B4GALT5: variants seen among roughly 807,000 people sequenced by gnomAD.
B4GALT5 encodes the protein beta-1,4-galactosyltransferase 5.
B4GALT5 carries 11 observed loss-of-function variants against 45.0 expected under a neutral mutation model. The observed-to-expected ratio is 0.24, with a 90% CI of 0.15 to 0.40. The LOEUF (loss-of-function observed/expected upper bound fraction) is 0.40, where lower values mean the gene tolerates loss of function less well. B4GALT5 is among the 10% of genes least tolerant of loss of function. The pLI, the probability that B4GALT5 is intolerant of heterozygous loss-of-function variation, is 1.00. For synonymous variants in B4GALT5, 185 were observed against 182.9 expected (o/e 1.01, Z -0.09); for missense variants, 337 against 500.2 (o/e 0.67, Z 3.11).
intron 1 of B4GALT5, among the ~76,000 whole-genome samples, chr20:49,702,333 T>C (rs967725156): frequency 6.6e-6 from 1 of 152,114 alleles, no homozygotes; most frequent in African/African-American, 2.4e-5. Context: ...AAGACCTTCA[T>C]GGGCAGAAAA....
intron 1 of B4GALT5, among the ~76,000 whole-genome samples, chr20:49,663,688 A>ATAT (rs1379448405): frequency 2.8e-5 from 3 of 106,952 alleles, no homozygotes; most frequent in African/African-American, 1.1e-4. Context: ...AAAAAAAAAA[A>ATAT]AAATATATAC....
intron 1 of B4GALT5, among the ~76,000 whole-genome samples, chr20:49,676,483 G>A (rs2146346780): frequency 6.6e-6 from 1 of 152,368 alleles, no homozygotes; most frequent in South Asian, 2.1e-4. Context: ...AATAAAAGCA[G>A]AGATGAAGTT....
At chr20:49,692,785 T>C (rs1341916861) in intron 1 of B4GALT5, among the ~76,000 whole-genome samples, 1 of 152,196 alleles carries the variant, frequency 6.6e-6, no homozygotes, top group Non-Finnish European at 1.5e-5. Flanking sequence ...GTACATATAA[T>C]GTAAGTTCAA....
intron 1 of B4GALT5, among the ~76,000 whole-genome samples, chr20:49,705,426 A>G (rs1456251951): frequency 1.3e-5 from 2 of 152,168 alleles, no homozygotes; most frequent in African/African-American, 4.8e-5. Flanking sequence ...CCTTAGTGAC[A>G]ATGATTTCAA....
intron 1 of B4GALT5, among the ~76,000 whole-genome samples, chr20:49,670,236 T>C (rs565010267): frequency 6.6e-6 from 1 of 152,334 alleles, no homozygotes; most frequent in South Asian, 2.1e-4. Flanking sequence ...ATATTTAGCA[T>C]AGACTATCAC....
At chr20:49,642,046 C>T (rs1282176704) in intron 5 of B4GALT5, among the ~76,000 whole-genome samples, 1 of 152,168 alleles carries the variant, frequency 6.6e-6, no homozygotes, top group Non-Finnish European at 1.5e-5. Context: ...ACCAAACCCT[C>T]AGGCTTAGAG....
intron 1 of B4GALT5, among the ~76,000 whole-genome samples, chr20:49,700,527 T>C (rs2085857300): frequency 6.6e-6 from 1 of 152,264 alleles, no homozygotes; most frequent in Non-Finnish European, 1.5e-5. Context: ...CTCAAACTCC[T>C]GGGCTTAAGC....
intron 1 of B4GALT5, among the ~76,000 whole-genome samples, chr20:49,693,299 T>C (rs190551017): frequency 6.6e-6 from 1 of 152,350 alleles, no homozygotes; most frequent in African/African-American, 2.4e-5. Flanking sequence ...TGCATATGCT[T>C]GCCACCACAG....
intron 1 of B4GALT5, among the ~76,000 whole-genome samples, chr20:49,669,814 G>T (rs2085708310): frequency 6.6e-6 from 1 of 152,046 alleles, no homozygotes; most frequent in African/African-American, 2.4e-5. Flanking sequence ...AAAAAAAAAG[G>T]CTATAAGCCA....
chr20:49,663,690 A>AAAAAAAAAAAT (rs1555812124), intron 1 of B4GALT5, among the ~76,000 whole-genome samples: 1 of 96,962 alleles, frequency 1.0e-5, no homozygotes, highest in African/African-American at 4.5e-5. Context: ...AAAAAAAAAA[A>AAAAAAAAAAAT]ATATATACAT....
intron 1 of B4GALT5, among the ~76,000 whole-genome samples, chr20:49,667,837 T>C (rs2085698529): frequency 6.6e-6 from 1 of 152,214 alleles, no homozygotes; most frequent in Non-Finnish European, 1.5e-5. Flanking sequence ...GAAGCTCTAA[T>C]GTGAATCATG....
chr20:49,691,897 T>C (rs2085814305), intron 1 of B4GALT5, among the ~76,000 whole-genome samples: 1 of 152,200 alleles, frequency 6.6e-6, no homozygotes, highest in African/African-American at 2.4e-5. Context: ...AGGCAGTGAC[T>C]GACCTGTAAT....
rs191818855 is a variant in B4GALT5 at position 49,693,028 on chromosome 20, C to T, written c.115+20548G>A. Among the ~76,000 whole-genome samples the T allele has an allele frequency of 4.6e-5, 7 of 152,250 alleles. No individual in the cohort carries two copies. In the East Asian group the frequency reaches 1.3e-3, roughly 29 times the overall value. ...TTACCTACAGTATTCAGTACAGTAC[C>T]ATGCTGTAGAGATTTGTAGCCTACG... On this transcript the variant is annotated intron_variant, in intron 1 of 8. Coordinates refer to ENST00000371711, the MANE Select transcript of B4GALT5 (RefSeq NM_004776.4).
At chr20:49,642,398 G>C in intron 5 of B4GALT5, 70 bp downstream of exon 5, 2 of 1,172,556 alleles carry the variant, frequency 1.7e-6, no homozygotes, top group Admixed American at 4.1e-5. Context: ...ACCAACAGTG[G>C]ATTAGCTTGC....
chr20:49,633,547 T>C lies in B4GALT5; in HGVS notation c.*2765A>G, dbSNP rs1362338284. 2 of 152,060 alleles carry C rather than the reference T, an allele frequency of 1.3e-5. No individual in the cohort carries two copies. The highest frequency in any genetic ancestry group is 6.5e-5 in the Admixed American group (1 of 15,268). 9.4% of individuals were successfully genotyped at this position (152,060 alleles called of 1,614,324 possible). A position where few individuals can be genotyped will look rare whatever the true frequency, so the allele number is the denominator to read the frequency against. ...TGATATTCGAGGCCTGGTGGACACA[T>C]GACTGACAGTGCACATCCAGAGATT... On this transcript the variant is annotated 3_prime_UTR_variant, in exon 9 of 9. Coordinates refer to ENST00000371711, the MANE Select transcript of B4GALT5 (RefSeq NM_004776.4).
intron 1 of B4GALT5, among the ~76,000 whole-genome samples, chr20:49,701,449 C>G (rs2085861529): frequency 6.7e-6 from 1 of 148,782 alleles, no homozygotes; most frequent in Non-Finnish European, 1.5e-5. Context: ...CAGCATTTGA[C>G]ATCATTTTCT....
chr20:49,640,057 A>G (rs1422348511), intron 6 of B4GALT5, among the ~76,000 whole-genome samples: 2 of 152,214 alleles, frequency 1.3e-5, no homozygotes, highest in African/African-American at 4.8e-5. Context: ...TGAATTGTGC[A>G]ACCATGACCA....
At chr20:49,693,050 T>C (rs1311193920) in intron 1 of B4GALT5, among the ~76,000 whole-genome samples, 3 of 152,200 alleles carry the variant, frequency 2.0e-5, no homozygotes, top group Non-Finnish European at 4.4e-5. Flanking sequence ...ATTTGTAGCC[T>C]ACGAATAATA....
intron 1 of B4GALT5, among the ~76,000 whole-genome samples, chr20:49,710,042 G>T (rs2085901153): frequency 6.6e-6 from 1 of 152,156 alleles, no homozygotes; most frequent in Non-Finnish European, 1.5e-5. Flanking sequence ...TTAATGGTTA[G>T]GCTGAAATTT....
Sources: gnomAD v4.1 joint callset for allele counts (sites outside exome capture counted in the v4.1 genomes callset) on GRCh38, gnomAD v4.1.1 for gene constraint, MANE v1.5 for transcripts, NCBI Gene and HGNC (gene_info 2026-07-23, HGNC 2026-07-21) for gene names.